The following VWA8 variants were observed in gnomAD, a reference collection of about 807,000 sequenced individuals.
VWA8 encodes von Willebrand factor A domain-containing protein 8.
VWA8 carries 221 observed loss-of-function variants against 241.5 expected under a neutral mutation model. That is an observed-to-expected ratio of 0.91 (90% CI 0.82 to 1.02). The LOEUF is 1.02. Ranked by LOEUF, VWA8 falls within the 50% of genes least tolerant of loss-of-function variation. VWA8 has a pLI of 0.00. For missense variants in VWA8, 2,322 were observed against 2,328.7 expected (o/e 1.00, Z 0.06); for synonymous variants, 852 against 827.1 (o/e 1.03, Z -0.52).
At position 41,833,449 on chromosome 13, in the gene VWA8, T is replaced by C. The variant is rs755909204; in HGVS notation, c.1508A>G (p.Asn503Ser). ...GACCAGCTTGCCTTCCAGAGCAGCATTCACAAGGGGTGAGGACCGCCAGGC... is the reference window on the plus strand; with the variant it reads ...GACCAGCTTGCCTTCCAGAGCAGCACTCACAAGGGGTGAGGACCGCCAGGC... ...DTAWRSSPLV[N>S]AALEGKLVLL... The change falls in exon 13 of 45, where the codon AAT (asparagine) becomes AGT (serine). Residue 503 changes from asparagine to serine, a missense_variant. By Grantham distance (46) the Asn-to-Ser change is conservative. Coordinates refer to ENST00000379310, the MANE Select transcript of VWA8 (RefSeq NM_015058.2). The C allele has an allele frequency of 4.3e-6, 7 of 1,613,922 alleles. No individual in the cohort carries two copies. The highest frequency in any genetic ancestry group is 5.9e-6 in the Non-Finnish European group (7 of 1,179,994).
chr13:41,699,191 G>A lies in VWA8; in HGVS notation c.3444C>T (p.Gly1148=), dbSNP rs922745424. The A allele has an allele frequency of 6.2e-7, 1 of 1,614,076 alleles. No individual in the cohort carries two copies. The highest frequency in any genetic ancestry group is 8.5e-7 in the Non-Finnish European group (1 of 1,180,024). Residue 1148 remains glycine, a synonymous_variant, in exon 29 of 45, where the codon GGC becomes GGT. Transcript: ENST00000379310. ...LYFMNMTGKS[G]FFVDFFDIFP... is the part of the protein sequence containing the mutation. ...AGATATCAAAAAAGTCCACAAAGAA[G>A]CCACTTTTCCCAGTCATATTCATAA...
intron 20 of VWA8, among the ~76,000 whole-genome samples, chr13:41,772,976 T>C (rs2045835877): frequency 6.6e-6 from 1 of 152,220 alleles, no homozygotes; most frequent in Non-Finnish European, 1.5e-5. Context: ...AAAACATCTC[T>C]AGATATAATT....
At chr13:41,638,922 G>A (rs1026575227) in intron 37 of VWA8, among the ~76,000 whole-genome samples, 7 of 152,186 alleles carry the variant, frequency 4.6e-5, no homozygotes, top group Non-Finnish European at 1.0e-4. Flanking sequence ...GCCAGTGCCT[G>A]AGCAGGAGGG....
At chr13:41,702,056 T>C (rs2137828173) in intron 27 of VWA8, among the ~76,000 whole-genome samples, 1 of 152,348 alleles carries the variant, frequency 6.6e-6, no homozygotes, top group South Asian at 2.1e-4. Context: ...AGTGGTGACT[T>C]ATGAAGGATA....
intron 37 of VWA8, among the ~76,000 whole-genome samples, chr13:41,660,958 C>T (rs774075026): frequency 1.1e-4 from 16 of 152,060 alleles, no homozygotes; most frequent in Non-Finnish European, 1.9e-4. Flanking sequence ...CTCTGCATCC[C>T]GGGTTCAAGC....
Position 41,721,249 on chromosome 13 carries a change from A to C in VWA8, c.2964+121T>G, listed in dbSNP as rs186929322. ...ATAACTTAGATTATACACATTTCAA[A>C]TCATGTAATCTGACTCATTATTGTA... On this transcript the variant is annotated intron_variant, in intron 25 of 44. Transcript: ENST00000379310. The C allele has an allele frequency of 7.0e-6, 7 of 1,007,106 alleles. No homozygotes were observed. In the Admixed American group the frequency reaches 1.6e-4, roughly 23 times the overall value. The allele number at this position is 1,007,106 out of a possible 1,614,324, so 62.4% of individuals were successfully genotyped here. A position where few individuals can be genotyped will look rare whatever the true frequency, so the allele number is the denominator to read the frequency against.
At chr13:41,725,190 C>T (rs1276712600) in intron 24 of VWA8, among the ~76,000 whole-genome samples, 2 of 140,094 alleles carry the variant, frequency 1.4e-5, no homozygotes. Flanking sequence ...GGAATTGAAG[C>T]TGGGTAAGAA....
intron 4 of VWA8, among the ~76,000 whole-genome samples, chr13:41,906,098 A>G (rs1461463837): frequency 6.6e-6 from 1 of 152,086 alleles, no homozygotes; most frequent in Non-Finnish European, 1.5e-5. Context: ...GAAAGCCATC[A>G]TTTAAGGTAG....
chr13:41,944,826 C>A lies in VWA8; in HGVS notation c.241+5110G>T, dbSNP rs147957644. Among the ~76,000 whole-genome samples the A allele has an allele frequency of 6.8e-5, 9 of 132,718 alleles. No individual in the cohort carries two copies. In the East Asian group the frequency reaches 1.9e-3, roughly 28 times the overall value. 87.1% of individuals were successfully genotyped at this position (132,718 alleles called of 152,430 possible). On this transcript the variant is annotated intron_variant, in intron 2 of 44. Coordinates refer to ENST00000379310, the MANE Select transcript of VWA8 (RefSeq NM_015058.2). Reference sequence around the variant, plus strand: ...AACAGCACTAACTCGGGGCATTTGTCAAAAAAAATCAACAATTGTTTAACA... The same window carrying A: ...AACAGCACTAACTCGGGGCATTTGTAAAAAAAAATCAACAATTGTTTAACA...
chr13:41,684,147 CA>C (rs1339031802), intron 35 of VWA8, among the ~76,000 whole-genome samples: 1 of 151,714 alleles, frequency 6.6e-6, no homozygotes. Flanking sequence ...TCTTCTACCA[CA>C]AAAAAAATTT....
rs753363544 is a variant in VWA8, at chr13:41,703,429, C to T, written c.3117-18G>A. The T allele has an allele frequency of 3.7e-6, 6 of 1,607,144 alleles. No homozygotes were observed. In the South Asian group the frequency reaches 6.6e-5, roughly 18 times the overall value. On this transcript the variant is annotated intron_variant, in intron 26 of 44. Transcript: ENST00000379310. ...GAGTCAACCTGTTAAGGATGATTTG[C>T]AAAGTAAATATTTCTTATTGTACCC...
At chr13:41,698,847 C>T (rs940130809) in intron 29 of VWA8, among the ~76,000 whole-genome samples, 1 of 152,110 alleles carries the variant, frequency 6.6e-6, no homozygotes, top group Non-Finnish European at 1.5e-5. Flanking sequence ...GGTTGAAAAA[C>T]CCTGACTTAC....
At chr13:41,932,105 A>G (rs1877151615) in intron 2 of VWA8, among the ~76,000 whole-genome samples, 1 of 152,116 alleles carries the variant, frequency 6.6e-6, no homozygotes, top group Non-Finnish European at 1.5e-5. Context: ...AACATCATGA[A>G]TGACAGAGAG....
intron 12 of VWA8, among the ~76,000 whole-genome samples, chr13:41,860,370 A>C (rs1459300836): frequency 6.6e-6 from 1 of 152,164 alleles, no homozygotes; most frequent in Admixed American, 6.5e-5. Flanking sequence ...AGGATGGGTA[A>C]ATGTTTTTAC....
intron 37 of VWA8, among the ~76,000 whole-genome samples, chr13:41,647,070 A>G (rs1015344194): frequency 1.4e-4 from 22 of 152,262 alleles, no homozygotes; most frequent in Non-Finnish European, 1.2e-4. Flanking sequence ...GGCAGGCTTC[A>G]GTACCTTACC....
chr13:41,789,482 T>C (rs956944849), intron 17 of VWA8, among the ~76,000 whole-genome samples: 1 of 152,096 alleles, frequency 6.6e-6, no homozygotes, highest in Admixed American at 6.5e-5. Flanking sequence ...AAAAAAAAAT[T>C]GGAAAAGCTC....
rs1027677873 is a variant in VWA8, at chr13:41,960,779, AG to A, written c.163+73del. The A allele has an allele frequency of 3.4e-5, 49 of 1,448,386 alleles. 1 individual carries two copies. The Middle Eastern group carries it at 1.7e-3, about 51-fold the overall frequency. The allele number at this position is 1,448,386 out of a possible 1,614,324, so 89.7% of individuals were successfully genotyped here. A position where few individuals can be genotyped will look rare whatever the true frequency, so the allele number is the denominator to read the frequency against. On this transcript the variant is annotated intron_variant, in intron 1 of 44. Transcript: ENST00000379310. ...CAAGCGCAGCGAAGCAACAGAGAGG[AG>A]GGGCGGGGGCGCGCGGGGACCCGGC...
chr13:41,742,205 C>T (rs997973841), intron 21 of VWA8, among the ~76,000 whole-genome samples: 3 of 152,160 alleles, frequency 2.0e-5, no homozygotes, highest in Admixed American at 2.0e-4. Context: ...AATCATCTAT[C>T]CATTTCAGAG....
chr13:41,947,312 G>A (rs1349153164), intron 2 of VWA8, among the ~76,000 whole-genome samples: 2 of 152,188 alleles, frequency 1.3e-5, no homozygotes, highest in Non-Finnish European at 2.9e-5. Context: ...CATGACCAAT[G>A]ACTGGAACAA....
Sources: allele counts gnomAD v4.1 joint callset (sites outside exome capture counted in the v4.1 genomes callset), GRCh38; gene constraint gnomAD v4.1.1; transcripts MANE v1.5; gene names NCBI Gene and HGNC (gene_info 2026-07-23, HGNC 2026-07-21).